Variants in MCHR2 observed in about 807,000 individuals in gnomAD.
The protein encoded by MCHR2 is melanin-concentrating hormone receptor 2.
Under a neutral mutation model 24.8 loss-of-function variants are expected in MCHR2, and 15 were observed. The ratio of observed to expected loss-of-function variants is 0.60; its 90% CI spans 0.40 to 0.93. The LOEUF is 0.93. Ranked by LOEUF, MCHR2 falls within the 40% of genes least tolerant of loss-of-function variation. The pLI is 0.00. For synonymous variants in MCHR2, 151 were observed against 147.6 expected (o/e 1.02, Z -0.17); for missense variants, 386 against 408.7 (o/e 0.94, Z 0.48).
At chr6:99,931,175 C>T (rs1486933621) in intron 5 of MCHR2, among the ~76,000 whole-genome samples, 2 of 152,150 alleles carry the variant, frequency 1.3e-5, no homozygotes, top group African/African-American at 4.8e-5. Context: ...GCGAATGCTG[C>T]TGTCTGATTG....
rs751691904 is a variant in MCHR2 at position 99,934,536 on chromosome 6, AAG to A, written c.588-21_588-20del. 1,130 of 1,532,988 alleles carry A rather than the reference AAG, an allele frequency of 7.4e-4. No individual in the cohort carries two copies. Among genetic ancestry groups the A allele is most frequent in the South Asian group, 2.1e-3 (164 of 78,334 alleles). 95.0% of individuals were successfully genotyped at this position (1,532,988 alleles called of 1,614,324 possible). A position where few individuals can be genotyped will look rare whatever the true frequency, so the allele number is the denominator to read the frequency against. On this transcript the variant is annotated intron_variant, in intron 4 of 5. Transcript: ENST00000281806. Reference sequence around the variant, plus strand: ...TGTATACCTGTAAAATGAGAGAGAGAAGAGAGAGAGAGAAAGAACAACACCAT... The same window carrying A: ...TGTATACCTGTAAAATGAGAGAGAGAAGAGAGAGAGAAAGAACAACACCAT...
chr6:99,934,095 C>G (rs948205636), intron 5 of MCHR2, among the ~76,000 whole-genome samples: 9 of 151,926 alleles, frequency 5.9e-5, no homozygotes, highest in Non-Finnish European at 1.2e-4. Context: ...GCAAAATGTG[C>G]AATGAAAACA....
intron 1 of MCHR2, among the ~76,000 whole-genome samples, chr6:99,976,244 C>T (rs1013007249): frequency 6.6e-6 from 1 of 152,216 alleles, no homozygotes; most frequent in African/African-American, 2.4e-5. Context: ...CTTTAATTAT[C>T]TCTTCAAATG....
At chr6:99,935,030 G>A (rs1774628664) in intron 4 of MCHR2, among the ~76,000 whole-genome samples, 1 of 151,962 alleles carries the variant, frequency 6.6e-6, no homozygotes, top group Non-Finnish European at 1.5e-5. Context: ...ATGATGGTGG[G>A]AGAAGTAATG....
intron 1 of MCHR2, among the ~76,000 whole-genome samples, chr6:99,991,754 C>T (rs1430610099): frequency 6.9e-6 from 1 of 145,634 alleles, no homozygotes; most frequent in African/African-American, 2.6e-5. Context: ...TTGCAGTGAG[C>T]AGAGACCGCG....
chr6:99,968,101 G>C (rs1296318912), intron 1 of MCHR2, among the ~76,000 whole-genome samples: 1 of 152,112 alleles, frequency 6.6e-6, no homozygotes, highest in African/African-American at 2.4e-5. Flanking sequence ...ATTAATATCA[G>C]TTATTACAAT....
At chr6:99,930,636 C>G (rs1774499423) in intron 5 of MCHR2, among the ~76,000 whole-genome samples, 2 of 152,214 alleles carry the variant, frequency 1.3e-5, no homozygotes. Context: ...GCCATCAGCT[C>G]CTGAGGCTTC....
intron 2 of MCHR2, 124 bp from the exon 3 acceptor site, chr6:99,948,095 GAT>G: frequency 1.3e-6 from 1 of 747,318 alleles, no homozygotes; most frequent in Non-Finnish European, 2.2e-6. Context: ...AACCTATACA[GAT>G]GCATAGAGGA....
chr6:99,946,542 G>A (rs748761908), intron 3 of MCHR2, among the ~76,000 whole-genome samples: 2 of 152,060 alleles, frequency 1.3e-5, no homozygotes, highest in African/African-American at 2.4e-5. Flanking sequence ...TACCCTTCAA[G>A]ACATTCATTC....
At chr6:99,954,720 G>A (rs889693786) in intron 2 of MCHR2, among the ~76,000 whole-genome samples, 1 of 152,136 alleles carries the variant, frequency 6.6e-6, no homozygotes, top group Non-Finnish European at 1.5e-5. Flanking sequence ...TTGTTTATTG[G>A]TTGGATGTCA....
chr6:99,965,288 C>T (rs1775275337), intron 1 of MCHR2, among the ~76,000 whole-genome samples: 1 of 152,040 alleles, frequency 6.6e-6, no homozygotes, highest in African/African-American at 2.4e-5. Flanking sequence ...TTTTACTTTC[C>T]AATTTATTTC....
chr6:99,948,441 C>T (rs1431949487), intron 2 of MCHR2, among the ~76,000 whole-genome samples: 2 of 152,084 alleles, frequency 1.3e-5, no homozygotes, highest in African/African-American at 4.8e-5. Flanking sequence ...GGTTAACAAC[C>T]AGTCAGCACC....
At chr6:99,925,991 C>G (rs1186627363) in intron 5 of MCHR2, among the ~76,000 whole-genome samples, 1 of 151,940 alleles carries the variant, frequency 6.6e-6, no homozygotes, top group Admixed American at 6.6e-5. Context: ...CCCCTGCCCC[C>G]ACCCCACAAC....
At chr6:99,972,260 A>G (rs1026084777) in intron 1 of MCHR2, among the ~76,000 whole-genome samples, 2 of 152,270 alleles carry the variant, frequency 1.3e-5, no homozygotes, top group Admixed American at 1.3e-4. Flanking sequence ...GTCTATTCAG[A>G]GATTCAACTT....
rs563717286 is a variant in MCHR2, at chr6:99,962,787, C to T, written c.-27-6613G>A. Among the ~76,000 whole-genome samples, 164 of 152,142 alleles carry T rather than the reference C, an allele frequency of 1.1e-3. 1 individual carries two copies. The highest frequency in any genetic ancestry group is 1.2e-3 in the South Asian group (6 of 4,822). On this transcript the variant is annotated intron_variant, in intron 1 of 5. Coordinates refer to ENST00000281806, the MANE Select transcript of MCHR2 (RefSeq NM_001040179.2). ...AAAAGCTTCTGAACAGCAAAGGAAA[C>T]AACAGAGTCTAAATACATCCTACAG... is the stretch of plus-strand genomic sequence containing the variant.
intron 1 of MCHR2, among the ~76,000 whole-genome samples, chr6:99,975,184 G>C (rs1275230370): frequency 1.3e-5 from 2 of 152,216 alleles, no homozygotes; most frequent in Admixed American, 6.5e-5. Flanking sequence ...GGAGCCTACA[G>C]AGGCAGGCAG....
chr6:99,949,354 T>C (rs543138828), intron 2 of MCHR2, among the ~76,000 whole-genome samples: 1 of 152,220 alleles, frequency 6.6e-6, no homozygotes, highest in East Asian at 1.9e-4. Context: ...CCCTCCTCTT[T>C]CCTGGGAACT....
intron 2 of MCHR2, among the ~76,000 whole-genome samples, chr6:99,954,983 T>C (rs1363877998): frequency 6.6e-6 from 1 of 152,118 alleles, no homozygotes; most frequent in East Asian, 1.9e-4. Flanking sequence ...CAGCACAAAA[T>C]AAAAAGAAAT....
intron 5 of MCHR2, among the ~76,000 whole-genome samples, chr6:99,922,088 T>C (rs986422578): frequency 1.3e-5 from 2 of 150,892 alleles, no homozygotes; most frequent in Admixed American, 6.7e-5. Flanking sequence ...TTTCAACTTG[T>C]TGCGATCCCA....
Sources: gnomAD v4.1 joint callset for allele counts (sites outside exome capture counted in the v4.1 genomes callset) on GRCh38, gnomAD v4.1.1 for gene constraint, MANE v1.5 for transcripts, NCBI Gene and HGNC (gene_info 2026-07-23, HGNC 2026-07-21) for gene names.